NHS: variants seen among roughly 807,000 people sequenced by gnomAD.
NHS encodes the protein actin remodeling regulator NHS.
NHS carries 5 observed loss-of-function variants against 72.5 expected under a neutral mutation model. The ratio of observed to expected loss-of-function variants is 0.07; its 90% CI spans 0.04 to 0.14. The LOEUF (loss-of-function observed/expected upper bound fraction) is 0.14. Ranked by LOEUF, NHS falls within the 10% of genes least tolerant of loss-of-function variation. NHS has a pLI of 1.00. For synonymous variants in NHS, 464 were observed against 547.7 expected (o/e 0.85, Z 2.13); for missense variants, 1,072 against 1,355.7 (o/e 0.79, Z 3.29).
intron 1 of NHS, among the ~76,000 whole-genome samples, chrX:17,528,964 T>C (rs1418229396): frequency 9.0e-6 from 1 of 111,577 alleles, no homozygotes; most frequent in Admixed American, 9.5e-5. Context: ...TGTGTATATC[T>C]GGGATGTGTT....
At chrX:17,455,430 G>A (rs2064822072) in intron 1 of NHS, among the ~76,000 whole-genome samples, 1 of 111,575 alleles carries the variant, frequency 9.0e-6, no homozygotes, top group Non-Finnish European at 1.9e-5. Flanking sequence ...CTATGCCAGA[G>A]AACTGTGCCA....
intron 1 of NHS, among the ~76,000 whole-genome samples, chrX:17,649,109 T>C (rs1278834705): frequency 8.9e-6 from 1 of 112,138 alleles, no homozygotes; most frequent in African/African-American, 3.2e-5. Context: ...CTGTCTTTTT[T>C]CACATATTGC....
intron 1 of NHS, among the ~76,000 whole-genome samples, chrX:17,566,931 T>G (rs2065447399): frequency 9.0e-6 from 1 of 111,307 alleles, no homozygotes; most frequent in Non-Finnish European, 1.9e-5. Flanking sequence ...ACCCGGGCAC[T>G]GAGCAGGCAC....
At chrX:17,602,809 T>C (rs12012013) in intron 1 of NHS, among the ~76,000 whole-genome samples, 6,186 of 105,892 alleles carry the variant, frequency 0.058, 544 homozygotes, top group African/African-American at 0.2. Flanking sequence ...ATAATAATTG[T>C]GGATATTTAT....
intron 1 of NHS, among the ~76,000 whole-genome samples, chrX:17,666,416 C>T (rs1283415816): frequency 1.9e-5 from 2 of 106,113 alleles, no homozygotes; most frequent in East Asian, 5.7e-4. Flanking sequence ...GGAAAGGCCT[C>T]TGAGTATTTC....
At chrX:17,419,138 T>G (rs1451938520) in intron 1 of NHS, among the ~76,000 whole-genome samples, 1 of 112,718 alleles carries the variant, frequency 8.9e-6, no homozygotes, top group African/African-American at 3.2e-5. Context: ...GCTATAGACT[T>G]TCATAAACAG....
At chrX:17,430,979 C>T (rs1229027788) in intron 1 of NHS, among the ~76,000 whole-genome samples, 2 of 112,142 alleles carry the variant, frequency 1.8e-5, no homozygotes, top group Non-Finnish European at 3.8e-5. Context: ...CTCATTTCTT[C>T]TCTTATATAC....
chrX:17,570,375 C>G (rs757936980), intron 1 of NHS, among the ~76,000 whole-genome samples: 14 of 111,829 alleles, frequency 1.3e-4, no homozygotes, highest in African/African-American at 4.5e-4. Context: ...TCATTGAAGA[C>G]GTCCTTCACA....
intron 1 of NHS, among the ~76,000 whole-genome samples, chrX:17,413,453 C>T (rs2064573292): frequency 8.9e-6 from 1 of 112,031 alleles, no homozygotes; most frequent in African/African-American, 3.2e-5. Flanking sequence ...ATGAGTCATT[C>T]TCTCTTGATG....
chrX:17,535,730 C>G (rs2065219977), intron 1 of NHS, among the ~76,000 whole-genome samples: 1 of 111,024 alleles, frequency 9.0e-6, no homozygotes, highest in African/African-American at 3.3e-5. Context: ...GGGTGCCCAC[C>G]ACCACACTCG....
intron 1 of NHS, among the ~76,000 whole-genome samples, chrX:17,446,942 ACTT>A (rs760278005): frequency 2.4e-4 from 27 of 111,839 alleles, no homozygotes; most frequent in Non-Finnish European, 4.1e-4. Context: ...TATATCTTAA[ACTT>A]CTTTTTTTTG....
intron 3 of NHS, among the ~76,000 whole-genome samples, chrX:17,704,279 A>C (rs2066282770): frequency 9.2e-6 from 1 of 109,018 alleles, no homozygotes; most frequent in African/African-American, 3.3e-5. Context: ...CTCTATCTCT[A>C]AAAAAAATTT....
intron 1 of NHS, among the ~76,000 whole-genome samples, chrX:17,636,756 G>A (rs894519675): frequency 1.8e-5 from 2 of 112,085 alleles, no homozygotes; most frequent in African/African-American, 3.3e-5. Flanking sequence ...AAGCACTGTT[G>A]TGTGCAGCTT....
At chrX:17,400,391 G>A (rs1177137356) in intron 1 of NHS, among the ~76,000 whole-genome samples, 1 of 111,390 alleles carries the variant, frequency 9.0e-6, no homozygotes, top group East Asian at 2.8e-4. Context: ...TTCGAGACCA[G>A]CCTGGCCAAG....
rs1403029667 is a variant in NHS at position 17,482,979 on chromosome X, G to A, written c.565+106657G>A. Among the ~76,000 whole-genome samples the A allele has an allele frequency of 2.7e-5, 3 of 111,546 alleles. No individual in the cohort carries two copies. The Admixed American group carries it at 2.9e-4, about 11-fold the overall frequency. On this transcript the variant is annotated intron_variant, in intron 1 of 8. Coordinates refer to ENST00000676302, the MANE Select transcript of NHS (RefSeq NM_001291867.2). Reference sequence around the variant, plus strand: ...ATGTTCTGACACCTCGTGGGGACACGGAGCTGAGACTTTTCCAGGGGGCAT... The same window carrying A: ...ATGTTCTGACACCTCGTGGGGACACAGAGCTGAGACTTTTCCAGGGGGCAT...
intron 1 of NHS, among the ~76,000 whole-genome samples, chrX:17,501,996 T>G (rs1413176803): frequency 8.9e-6 from 1 of 112,087 alleles, no homozygotes; most frequent in East Asian, 2.8e-4. Context: ...TTCAATTGTT[T>G]GGTGGAGAGT....
intron 1 of NHS, among the ~76,000 whole-genome samples, chrX:17,684,729 T>C (rs889468025): frequency 1.8e-5 from 2 of 111,994 alleles, no homozygotes; most frequent in Non-Finnish European, 3.8e-5. Context: ...TTTCGACTTG[T>C]AATGTAACTA....
At chrX:17,451,798 A>G (rs756749528) in intron 1 of NHS, among the ~76,000 whole-genome samples, 12 of 112,176 alleles carry the variant, frequency 1.1e-4, no homozygotes, top group African/African-American at 3.9e-4. Flanking sequence ...ATCACAGTCA[A>G]TATTCAGTGA....
At chrX:17,541,261 G>A (rs1487657839) in intron 1 of NHS, among the ~76,000 whole-genome samples, 4 of 112,157 alleles carry the variant, frequency 3.6e-5, no homozygotes, top group Non-Finnish European at 5.6e-5. Context: ...GCAGAGTTGA[G>A]AGTCAAACTC....
Sources: gnomAD v4.1 joint callset for allele counts (sites outside exome capture counted in the v4.1 genomes callset) on GRCh38, gnomAD v4.1.1 for gene constraint, MANE v1.5 for transcripts, NCBI Gene and HGNC (gene_info 2026-07-23, HGNC 2026-07-21) for gene names.